Variants in GRIK2 observed in about 807,000 individuals in gnomAD.
GRIK2 encodes the protein glutamate ionotropic receptor kainate type subunit 2, also known as glutamate receptor ionotropic, kainate 2.
Under a neutral mutation model 100.3 loss-of-function variants are expected in GRIK2, and 32 were observed. That is an observed-to-expected ratio of 0.32 (90% CI 0.24 to 0.43). The LOEUF (loss-of-function observed/expected upper bound fraction) is 0.43, where lower values mean the gene tolerates loss of function less well. Among genes scored for constraint, GRIK2 ranks in the 20% least tolerant of loss-of-function variants. The probability of loss-of-function intolerance (pLI) is 1.00; values close to 1 mark genes in which losing one functional copy is unlikely to be tolerated. For missense variants in GRIK2, 843 were observed against 1,114.9 expected, an observed-to-expected ratio of 0.76 and a Z score of 3.47; for synonymous variants, 417 against 389.4, an observed-to-expected ratio of 1.07 and a Z score of -0.83.
chr6:101,908,547 C>A (rs916423969), intron 12 of GRIK2, among the ~76,000 whole-genome samples: 1 of 150,562 alleles, frequency 6.6e-6, no homozygotes, highest in Non-Finnish European at 1.5e-5. Context: ...AATTTTAGGA[C>A]CTATAAGTTA....
rs771956429 is a variant in GRIK2, at chr6:101,622,143, G to T, written c.283+27G>T. On this transcript the variant is annotated intron_variant, in intron 3 of 16. Coordinates refer to ENST00000369134, the MANE Select transcript of GRIK2 (RefSeq NM_021956.5). Reference sequence around the variant, plus strand: ...TAATTGATAGATTTTTAACATCTTTGTTTCCTGGAATTCAAATTTCTAGGT... The same window carrying T: ...TAATTGATAGATTTTTAACATCTTTTTTTCCTGGAATTCAAATTTCTAGGT... 19 of 1,399,014 alleles carry T rather than the reference G, an allele frequency of 1.4e-5. 1 individual carries two copies. Among genetic ancestry groups the T allele is most frequent in the Non-Finnish European group, 1.9e-5 (19 of 1,006,504 alleles). 86.7% of individuals were successfully genotyped at this position (1,399,014 alleles called of 1,614,324 possible).
intron 7 of GRIK2, among the ~76,000 whole-genome samples, chr6:101,765,514 A>G (rs564698837): frequency 5.9e-4 from 90 of 152,232 alleles, no homozygotes; most frequent in Middle Eastern, 3.4e-3. Flanking sequence ...TAGTGGAATG[A>G]TTCAATTATT....
At chr6:101,562,237 G>C (rs925855328) in intron 2 of GRIK2, among the ~76,000 whole-genome samples, 1 of 152,148 alleles carries the variant, frequency 6.6e-6, no homozygotes, top group South Asian at 2.1e-4. Flanking sequence ...AAACTTTAGG[G>C]GAGCTTTTAT....
intron 14 of GRIK2, among the ~76,000 whole-genome samples, chr6:101,968,244 G>C (rs982405392): frequency 3.3e-5 from 5 of 151,918 alleles, no homozygotes; most frequent in Non-Finnish European, 7.4e-5. Context: ...TAAACACATA[G>C]GTACACACAA....
intron 2 of GRIK2, among the ~76,000 whole-genome samples, chr6:101,471,249 C>A (rs550396617): frequency 6.0e-4 from 91 of 152,060 alleles, no homozygotes; most frequent in African/African-American, 2.1e-3. Context: ...CTATCTATAA[C>A]GCTTTGGTAG....
intron 2 of GRIK2, among the ~76,000 whole-genome samples, chr6:101,534,420 A>G (rs901350682): frequency 6.6e-5 from 10 of 151,870 alleles, no homozygotes; most frequent in Admixed American, 5.9e-4. Flanking sequence ...TTTCTTACCC[A>G]CAGAATATTA....
chr6:101,802,474 T>A, intron 9 of GRIK2, 36 bp downstream of exon 9: 1 of 861,600 alleles, frequency 1.2e-6, no homozygotes, highest in South Asian at 1.8e-5. Flanking sequence ...AATTACTAAA[T>A]GAAACATATC....
At chr6:101,800,345 T>C (rs1282635303) in intron 8 of GRIK2, among the ~76,000 whole-genome samples, 2 of 151,806 alleles carry the variant, frequency 1.3e-5, no homozygotes, top group Non-Finnish European at 2.9e-5. Flanking sequence ...AGAATATTCA[T>C]AGTGAGAAAA....
intron 15 of GRIK2, among the ~76,000 whole-genome samples, chr6:102,048,784 T>A (rs1409742761): frequency 6.6e-6 from 1 of 152,050 alleles, no homozygotes; most frequent in Non-Finnish European, 1.5e-5. Flanking sequence ...AGCGAGCAAC[T>A]AGTACCAAAC....
chr6:101,843,847 C>G (rs1783656285), intron 10 of GRIK2, among the ~76,000 whole-genome samples: 1 of 151,980 alleles, frequency 6.6e-6, no homozygotes, highest in South Asian at 2.1e-4. Context: ...AATGTGTAGC[C>G]AAGGCTGGGC....
chr6:101,817,990 A>G (rs755922955), intron 9 of GRIK2, among the ~76,000 whole-genome samples: 1 of 152,204 alleles, frequency 6.6e-6, no homozygotes, highest in Non-Finnish European at 1.5e-5. Flanking sequence ...CTTTGTCTGT[A>G]TAATATGGCA....
intron 14 of GRIK2, among the ~76,000 whole-genome samples, chr6:101,988,561 G>A (rs1338166476): frequency 1.3e-5 from 2 of 151,752 alleles, no homozygotes; most frequent in Non-Finnish European, 2.9e-5. Flanking sequence ...TTAATGCTCT[G>A]TGACTTATCT....
At chr6:101,563,484 G>T (rs1360179980) in intron 2 of GRIK2, among the ~76,000 whole-genome samples, 1 of 152,040 alleles carries the variant, frequency 6.6e-6, no homozygotes, top group Non-Finnish European at 1.5e-5. Flanking sequence ...ACTTCAGCTG[G>T]ATGCTTTCCA....
chr6:101,845,938 T>G (rs1247366311), intron 10 of GRIK2, among the ~76,000 whole-genome samples: 1 of 152,182 alleles, frequency 6.6e-6, no homozygotes, highest in Non-Finnish European at 1.5e-5. Flanking sequence ...TCTGTGTGCT[T>G]GTTGACATCT....
intron 10 of GRIK2, among the ~76,000 whole-genome samples, chr6:101,832,399 A>G (rs986244461): frequency 6.6e-6 from 1 of 152,208 alleles, no homozygotes; most frequent in Non-Finnish European, 1.5e-5. Flanking sequence ...CTTAAATAGT[A>G]AAAAAGAAAC....
chr6:101,817,174 G>A (rs1781686422), intron 9 of GRIK2, among the ~76,000 whole-genome samples: 2 of 152,060 alleles, frequency 1.3e-5, no homozygotes, highest in Non-Finnish European at 2.9e-5. Context: ...TGAATTACTT[G>A]ACTTTTTCCT....
At chr6:101,890,041 TG>T in intron 12 of GRIK2, 178 bp downstream of exon 12, 1 of 591,820 alleles carries the variant, frequency 1.7e-6, no homozygotes, top group Middle Eastern at 4.3e-4. Flanking sequence ...CCTGTCTTTG[TG>T]GGCAGAGAGC....
chr6:101,793,537 C>T (rs573530876), intron 7 of GRIK2, among the ~76,000 whole-genome samples: 14 of 152,198 alleles, frequency 9.2e-5, no homozygotes, highest in South Asian at 8.3e-4. Context: ...TCTTGTACCG[C>T]GAATGCTGCT....
At chr6:101,565,205 A>G (rs2128296965) in intron 2 of GRIK2, among the ~76,000 whole-genome samples, 1 of 152,226 alleles carries the variant, frequency 6.6e-6, no homozygotes, top group East Asian at 1.9e-4. Context: ...ATAGAGCTCT[A>G]AGAGAAAAAT....
Sources: gnomAD v4.1 joint callset for allele counts (sites outside exome capture counted in the v4.1 genomes callset) on GRCh38, gnomAD v4.1.1 for gene constraint, MANE v1.5 for transcripts, NCBI Gene and HGNC (gene_info 2026-07-23, HGNC 2026-07-21) for gene names.